Variants in ZNF609 observed in about 807,000 individuals in gnomAD.
ZNF609 encodes zinc finger protein 609.
ZNF609 carries 11 observed loss-of-function variants against 109.5 expected under a neutral mutation model. The ratio of observed to expected loss-of-function variants is 0.10; its 90% CI spans 0.06 to 0.17. The LOEUF (loss-of-function observed/expected upper bound fraction) is 0.17. ZNF609 is among the 10% of genes least tolerant of loss of function. The probability of loss-of-function intolerance (pLI) is 1.00; values close to 1 mark genes in which losing one functional copy is unlikely to be tolerated. For synonymous variants in ZNF609, 646 were observed against 662.0 expected (o/e 0.98, Z 0.37); for missense variants, 1,559 against 1,772.4 (o/e 0.88, Z 2.16).
At chr15:64,463,127 G>T (rs1021041445) in intron 1 of ZNF609, among the ~76,000 whole-genome samples, 7 of 152,208 alleles carry the variant, frequency 4.6e-5, no homozygotes, top group Admixed American at 1.3e-4. Flanking sequence ...GGGCATAGTG[G>T]CACATGCCAG....
intron 4 of ZNF609, among the ~76,000 whole-genome samples, chr15:64,671,066 C>T (rs1289970187): frequency 3.3e-5 from 5 of 150,654 alleles, no homozygotes; most frequent in South Asian, 2.1e-4. Context: ...AAAAATTAGC[C>T]GGGCGTGGTG....
intron 2 of ZNF609, among the ~76,000 whole-genome samples, chr15:64,586,047 G>A (rs571298495): frequency 4.6e-5 from 7 of 151,960 alleles, no homozygotes; most frequent in Admixed American, 3.3e-4. Flanking sequence ...CTTGCCGGCC[G>A]GGTGCGGTGG....
chr15:64,621,853 A>G (rs1020163811), intron 2 of ZNF609, among the ~76,000 whole-genome samples: 7 of 149,654 alleles, frequency 4.7e-5, no homozygotes, highest in Non-Finnish European at 1.0e-4. Context: ...AGCCTCCTGG[A>G]TAGCTGGGAT....
At chr15:64,670,146 C>T (rs929463145) in intron 3 of ZNF609, among the ~76,000 whole-genome samples, 200 bp from the exon 4 acceptor site, 2 of 152,180 alleles carry the variant, frequency 1.3e-5, no homozygotes, top group Admixed American at 6.5e-5. Context: ...GTCTTTACAA[C>T]TGTTACCCAT....
At chr15:64,481,894 C>T (rs1893259202) in intron 1 of ZNF609, among the ~76,000 whole-genome samples, 1 of 152,090 alleles carries the variant, frequency 6.6e-6, no homozygotes, top group African/African-American at 2.4e-5. Flanking sequence ...AAGTGATTCT[C>T]CTGCCTCAGC....
At chr15:64,491,395 C>A (rs1050470787) in intron 1 of ZNF609, among the ~76,000 whole-genome samples, 1 of 152,202 alleles carries the variant, frequency 6.6e-6, no homozygotes. Flanking sequence ...GTTACCTTCT[C>A]AGCAACTTTG....
intron 2 of ZNF609, among the ~76,000 whole-genome samples, chr15:64,511,317 C>G (rs1452598079): frequency 6.6e-6 from 1 of 151,766 alleles, no homozygotes; most frequent in Non-Finnish European, 1.5e-5. Flanking sequence ...ACTAAAAATA[C>G]AAAAATTTAG....
intron 2 of ZNF609, among the ~76,000 whole-genome samples, chr15:64,576,965 CACATAAATAT>C (rs1567019002): frequency 7.6e-6 from 1 of 131,538 alleles, no homozygotes; most frequent in African/African-American, 2.9e-5. Context: ...TGTATATATA[CACATAAATAT>C]ATATATGTAT....
At chr15:64,617,551 G>A (rs571276653) in intron 2 of ZNF609, among the ~76,000 whole-genome samples, 4 of 151,842 alleles carry the variant, frequency 2.6e-5, no homozygotes, top group Admixed American at 6.6e-5. Flanking sequence ...ATGCTGTGGC[G>A]GTTGGATCAC....
chr15:64,476,757 G>C (rs941456885), intron 1 of ZNF609, among the ~76,000 whole-genome samples: 1 of 152,188 alleles, frequency 6.6e-6, no homozygotes, highest in Non-Finnish European at 1.5e-5. Flanking sequence ...TCCCTGAGGG[G>C]TGGGATTTAC....
At chr15:64,498,037 C>T (rs1446668627) in intron 1 of ZNF609, among the ~76,000 whole-genome samples, 1 of 152,048 alleles carries the variant, frequency 6.6e-6, no homozygotes, top group East Asian at 1.9e-4. Context: ...AGATGGCACA[C>T]TCCTCAAGTC....
At chr15:64,642,413 G>A (rs1284187845) in intron 3 of ZNF609, among the ~76,000 whole-genome samples, 1 of 151,918 alleles carries the variant, frequency 6.6e-6, no homozygotes, top group Non-Finnish European at 1.5e-5. Context: ...TCAAGCTCCT[G>A]TCCTCAAGTG....
At position 64,675,869 on chromosome 15, in the gene ZNF609, C is replaced by T. The variant is rs778609549; in HGVS notation, c.3015C>T (p.Tyr1005=). Residue 1005 remains tyrosine (Y), a synonymous_variant, in exon 5 of 10, where the codon TAC becomes TAT. Transcript: ENST00000326648. ...LSTNTAYRQQ[Y]EEQQKRQSLE... ...CTAACACGGCTTACCGGCAGCAGTA[C>T]GAAGAACAGCAGAAACGCCAGAGCT... 5.6e-5 allele frequency: 91 copies of T among 1,614,058 alleles called. No individual in the cohort carries two copies. Among genetic ancestry groups the T allele is most frequent in the Middle Eastern group, 4.9e-4 (3 of 6,084 alleles).
chr15:64,648,745 C>CA (rs1162012248), intron 3 of ZNF609, among the ~76,000 whole-genome samples: 9,784 of 71,598 alleles, frequency 0.14, 353 homozygotes, highest in African/African-American at 0.17. Context: ...CACCACATAC[C>CA]AAAAAAAAAA....
chr15:64,475,815 C>T (rs141172806), intron 1 of ZNF609, among the ~76,000 whole-genome samples: 1 of 152,278 alleles, frequency 6.6e-6, no homozygotes, highest in East Asian at 1.9e-4. Flanking sequence ...TTGAATATAA[C>T]TTTATGCTTA....
chr15:64,485,757 G>A (rs1893323505), intron 1 of ZNF609, among the ~76,000 whole-genome samples: 2 of 152,112 alleles, frequency 1.3e-5, no homozygotes, highest in Admixed American at 6.6e-5. Flanking sequence ...CCATGATAGC[G>A]CCACTGTACT....
At chr15:64,618,325 G>A (rs553275779) in intron 2 of ZNF609, among the ~76,000 whole-genome samples, 96 of 152,238 alleles carry the variant, frequency 6.3e-4, no homozygotes, top group African/African-American at 2.2e-3. Context: ...CAGACCTGTA[G>A]GGTAACATAC....
At chr15:64,681,416 C>A (rs771929155) in intron 9 of ZNF609, 29 bp downstream of exon 9, 2 of 1,579,750 alleles carry the variant, frequency 1.3e-6, no homozygotes, top group Non-Finnish European at 1.7e-6. Flanking sequence ...TTTGGGGCAA[C>A]ACATAAAGCC....
intron 1 of ZNF609, among the ~76,000 whole-genome samples, chr15:64,486,740 T>G (rs1893339945): frequency 6.6e-6 from 1 of 152,004 alleles, no homozygotes; most frequent in African/African-American, 2.4e-5. Flanking sequence ...CTCAGCCTCC[T>G]GAGTAGCTGG....
Sources: gnomAD v4.1 joint callset for allele counts (sites outside exome capture counted in the v4.1 genomes callset) on GRCh38, gnomAD v4.1.1 for gene constraint, MANE v1.5 for transcripts, NCBI Gene and HGNC (gene_info 2026-07-23, HGNC 2026-07-21) for gene names.